Variants in CEP63 observed in about 807,000 individuals in gnomAD.
CEP63 encodes centrosomal protein 63.
CEP63 carries 84 observed loss-of-function variants against 89.1 expected under a neutral mutation model. The ratio of observed to expected loss-of-function variants is 0.94; its 90% CI spans 0.79 to 1.13. The LOEUF is 1.13. Among genes scored for constraint, CEP63 ranks in the 50% most tolerant of loss-of-function variants. CEP63 has a pLI of 0.00. For synonymous variants in CEP63, 267 were observed against 272.5 expected (o/e 0.98, Z 0.20); for missense variants, 838 against 813.3 (o/e 1.03, Z -0.37).
chr3:134,505,087 A>G (rs1035999056), intron 2 of CEP63, among the ~76,000 whole-genome samples: 1 of 151,950 alleles, frequency 6.6e-6, no homozygotes, highest in African/African-American at 2.4e-5. Context: ...CATTATTTTG[A>G]ATTCTTTTAT....
In CEP63 at chr3:134,551,945, A is replaced by T; in HGVS notation, c.1400A>T (p.Glu467Val). Residue 467 changes from glutamate (E) to valine (V), a missense_variant, in exon 12 of 15, where the codon GAG becomes GTG. Transcript: ENST00000675561. ...TTTCAGGAGATTTTGGATCAGCTGGAGTCACTCAAATTAGAAAATCGTCAT... is the reference window on the plus strand; with the variant it reads ...TTTCAGGAGATTTTGGATCAGCTGGTGTCACTCAAATTAGAAAATCGTCAT... The part of the protein sequence containing the change: ...VEHKEILDQL[E>V]SLKLENRHLS... The T allele has an allele frequency of 1.2e-6, 2 of 1,608,864 alleles. No homozygotes were observed. The highest frequency in any genetic ancestry group is 4.5e-5 in the East Asian group (2 of 44,648).
chr3:134,506,343 T>C (rs1943445775), intron 2 of CEP63, among the ~76,000 whole-genome samples: 1 of 152,188 alleles, frequency 6.6e-6, no homozygotes, highest in Non-Finnish European at 1.5e-5. Context: ...TTGAAGCAGC[T>C]CTTACAATTG....
At chr3:134,603,748 T>G in the CEP63 span, 3 of 1,612,144 alleles carry the variant, frequency 1.9e-6, no homozygotes, top group African/African-American at 4.0e-5. Context: ...CACCAGGACT[T>G]TGGCAATACC....
chr3:134,551,488 G>A (rs1019632077), intron 11 of CEP63, among the ~76,000 whole-genome samples: 31 of 152,034 alleles, frequency 2.0e-4, no homozygotes, highest in African/African-American at 7.5e-4. Flanking sequence ...AAAAGCTGAG[G>A]GGAATGAGAA....
Position 134,509,477 on chromosome 3 carries a change from A to G in CEP63, c.222+2191A>G, listed in dbSNP as rs192135596. On this transcript the variant is annotated intron_variant, in intron 3 of 14. Transcript: ENST00000675561. Reference sequence around the variant, plus strand: ...ACCCAAACCATATCACTTGTCAACAAACTTTCTTCTCTTGCTTTAACATTT... The same window carrying G: ...ACCCAAACCATATCACTTGTCAACAGACTTTCTTCTCTTGCTTTAACATTT... Among the ~76,000 whole-genome samples the G allele has an allele frequency of 2.4e-3, 369 of 152,326 alleles. 2 individuals carry two copies. The highest frequency in any genetic ancestry group is 8.1e-3 in the African/African-American group (338 of 41,566).
At chr3:134,651,398 A>G in the CEP63 span, 1 of 1,088,846 alleles carries the variant, frequency 9.2e-7, no homozygotes, top group Non-Finnish European at 1.1e-6. Context: ...CCGACCTCCC[A>G]CGAGAAGCCC....
the CEP63 span, among the ~76,000 whole-genome samples, chr3:134,623,266 C>T: frequency 6.6e-6 from 1 of 152,176 alleles, no homozygotes; most frequent in African/African-American, 2.4e-5. Flanking sequence ...GTATGGCCAG[C>T]AGCCTGACCC....
At chr3:134,726,309 T>C in the CEP63 span, among the ~76,000 whole-genome samples, 3 of 152,186 alleles carry the variant, frequency 2.0e-5, no homozygotes, top group African/African-American at 7.2e-5. Context: ...ACCAGGCCAC[T>C]GTGCACATTA....
the CEP63 span, among the ~76,000 whole-genome samples, chr3:134,599,554 A>G: frequency 6.6e-6 from 1 of 152,242 alleles, no homozygotes; most frequent in Non-Finnish European, 1.5e-5. Context: ...AGAAGTACAT[A>G]TTTATATACA....
chr3:134,509,071 A>G (rs767115031), intron 3 of CEP63, among the ~76,000 whole-genome samples: 6 of 152,122 alleles, frequency 3.9e-5, no homozygotes, highest in Non-Finnish European at 8.8e-5. Flanking sequence ...CTATGAGATC[A>G]TGAAAATATT....
the CEP63 span, among the ~76,000 whole-genome samples, chr3:134,611,944 T>C: frequency 6.6e-6 from 1 of 152,262 alleles, no homozygotes; most frequent in Non-Finnish European, 1.5e-5. Context: ...CTAATACATA[T>C]CACTTGCTGA....
intron 3 of CEP63, among the ~76,000 whole-genome samples, chr3:134,527,482 T>C (rs921062794): frequency 6.6e-6 from 1 of 151,982 alleles, no homozygotes; most frequent in Non-Finnish European, 1.5e-5. Flanking sequence ...TGGTGGTCAG[T>C]GGGGACATGG....
chr3:134,735,069 A>G, the CEP63 span, among the ~76,000 whole-genome samples: 2 of 152,190 alleles, frequency 1.3e-5, no homozygotes, highest in Non-Finnish European at 2.9e-5. Flanking sequence ...AGGGTTTAAC[A>G]TTTTCTTGAC....
downstream of CEP63, among the ~76,000 whole-genome samples, chr3:134,566,463 A>G (rs374884682): frequency 2.0e-5 from 3 of 152,354 alleles, no homozygotes; most frequent in South Asian, 6.2e-4. Context: ...TTTAGGGACT[A>G]GAGTTGTCCC....
chr3:134,499,378 C>T (rs1343696895), intron 2 of CEP63, among the ~76,000 whole-genome samples: 1 of 152,048 alleles, frequency 6.6e-6, no homozygotes, highest in Non-Finnish European at 1.5e-5. Context: ...TTTTCTGTTT[C>T]TGATTTTATT....
the CEP63 span, among the ~76,000 whole-genome samples, chr3:134,642,536 T>TAG: frequency 0.56 from 84,778 of 151,698 alleles, 24,849 homozygotes; most frequent in East Asian, 0.89. Context: ...CAGTCAACTG[T>TAG]AGTCAGTGAT....
At chr3:134,491,193 GTA>G (rs1310390156) in intron 1 of CEP63, among the ~76,000 whole-genome samples, 4 of 152,178 alleles carry the variant, frequency 2.6e-5, no homozygotes, top group African/African-American at 7.2e-5. Context: ...TACCTATTAT[GTA>G]TATGAGTGCC....
chr3:134,542,096 T>A (rs1952163262), intron 6 of CEP63, among the ~76,000 whole-genome samples: 1 of 152,276 alleles, frequency 6.6e-6, no homozygotes, highest in South Asian at 2.1e-4. Context: ...CAACATAAAA[T>A]GTAAAATATT....
At chr3:134,651,458 A>G in the CEP63 span, 1 of 1,013,176 alleles carries the variant, frequency 9.9e-7, no homozygotes, top group Non-Finnish European at 1.2e-6. Context: ...GAGTAGATTC[A>G]GGAAAAGGAA....
Sources: gnomAD v4.1 joint callset for allele counts (sites outside exome capture counted in the v4.1 genomes callset) on GRCh38, gnomAD v4.1.1 for gene constraint, MANE v1.5 for transcripts, NCBI Gene and HGNC (gene_info 2026-07-23, HGNC 2026-07-21) for gene names.